POLN: variants seen among roughly 807,000 people sequenced by gnomAD.
POLN encodes the protein DNA polymerase N.
In POLN, 108 loss-of-function variants were observed where a neutral mutation model predicts 113.5. The ratio of observed to expected loss-of-function variants is 0.95; its 90% CI spans 0.81 to 1.12. The LOEUF is 1.12. Ranked by LOEUF, POLN falls within the 50% of genes most tolerant of loss-of-function variation. POLN has a pLI of 0.00. For missense variants in POLN, 1,097 were observed against 1,077.1 expected (o/e 1.02, Z -0.26); for synonymous variants, 386 against 391.5 (o/e 0.99, Z 0.17).
At chr4:2,090,340 C>A in intron 20 of POLN, 1 of 781,536 alleles carries the variant, frequency 1.3e-6, no homozygotes, top group Non-Finnish European at 2.1e-6. Context: ...ACAGCATCTC[C>A]AAGTACTTTC....
Position 2,093,939 on chromosome 4 carries a change from T to C in POLN, c.2065+1912A>G, listed in dbSNP as rs892886158. 6.6e-6 allele frequency among the ~76,000 whole-genome samples: 1 copy of C among 152,206 alleles called. No homozygotes were observed. Among genetic ancestry groups the C allele is most frequent in the Non-Finnish European group, 1.5e-5 (1 of 68,046 alleles). ...GAGCTAACGTGATGAGCTCCTATCTTTGAGGTACTCATGTTTGAGCTGGGG... is the reference window on the plus strand; with the variant it reads ...GAGCTAACGTGATGAGCTCCTATCTCTGAGGTACTCATGTTTGAGCTGGGG... On this transcript the variant is annotated intron_variant, in intron 20 of 25. Coordinates refer to ENST00000511885, the MANE Select transcript of POLN (RefSeq NM_181808.4). The surrounding 1 kb of genome is among the most constrained non-coding windows in gnomAD (Gnocchi z 4.1).
intron 11 of POLN, among the ~76,000 whole-genome samples, chr4:2,173,059 G>C (rs1475654962): frequency 6.6e-6 from 1 of 152,154 alleles, no homozygotes; most frequent in Non-Finnish European, 1.5e-5. Flanking sequence ...CAGTTCAAAA[G>C]CAAAGCTAAA....
Position 2,208,182 on chromosome 4 carries a change from T to G in POLN, c.519A>C (p.Ala173=). Residue 173 remains alanine (A), a synonymous_variant, in exon 5 of 26, where the codon GCA becomes GCC. Coordinates refer to ENST00000511885, the MANE Select transcript of POLN (RefSeq NM_181808.4). ...NLSEKTSKQM[A]LEEDTDDAEG... ...CGGCGTCATCAGTATCTTCTTCCAA[T>G]GCCATTTGTTTACTTGTTTTCTCTG... is the stretch of plus-strand genomic sequence containing the variant. 1.9e-6 allele frequency: 3 copies of G among 1,612,538 alleles called. No homozygotes were observed. Among genetic ancestry groups the G allele is most frequent in the South Asian group, 2.2e-5 (2 of 91,040 alleles).
intron 7 of POLN, among the ~76,000 whole-genome samples, chr4:2,191,829 A>T (rs1356032434): frequency 6.6e-6 from 1 of 152,136 alleles, no homozygotes; most frequent in African/African-American, 2.4e-5. Context: ...ATGGGGAGTT[A>T]TAGAGCAAAA....
intron 19 of POLN, among the ~76,000 whole-genome samples, chr4:2,105,929 G>A (rs2108708016): frequency 6.6e-6 from 1 of 152,146 alleles, no homozygotes; most frequent in East Asian, 1.9e-4. Context: ...CCATATTGCT[G>A]AACTTGACAG....
At chr4:2,234,280 G>A (rs1279791869) in intron 2 of POLN, 1 of 152,250 alleles carries the variant, frequency 6.6e-6, no homozygotes, top group Non-Finnish European at 1.5e-5. Context: ...TCAAAATTAA[G>A]AACTACAGGA....
At position 2,208,389 on chromosome 4, in the gene POLN, T is replaced by C. The variant is rs1247721029; in HGVS notation, c.312A>G (p.Gln104=). Residue 104 remains glutamine, a synonymous_variant, in exon 5 of 26, where the codon CAA becomes CAG. Coordinates refer to ENST00000511885, the MANE Select transcript of POLN (RefSeq NM_181808.4). ...TCAATGAGCTGATGCTCTTCTGTTTTTGGTCAGCAGACAGCTGATCTGTGA... is the reference window on the plus strand; with the variant it reads ...TCAATGAGCTGATGCTCTTCTGTTTCTGGTCAGCAGACAGCTGATCTGTGA... The part of the protein sequence containing the change: ...VRLTDQLSAD[Q]KQKSISSLTL... The C allele has an allele frequency of 2.5e-6, 4 of 1,613,356 alleles. No individual in the cohort carries two copies. The African/African-American group carries it at 4.0e-5, about 16-fold the overall frequency.
At chr4:2,076,420 C>T (rs944222680) in intron 23 of POLN, 1 of 152,384 alleles carries the variant, frequency 6.6e-6, no homozygotes, top group Admixed American at 6.5e-5. Flanking sequence ...CTGCTGCCCC[C>T]AGACCTACTG....
At chr4:2,223,369 G>A (rs1734307708) in intron 3 of POLN, among the ~76,000 whole-genome samples, 1 of 152,166 alleles carries the variant, frequency 6.6e-6, no homozygotes. Context: ...CTGTCAGATA[G>A]GCAGCAGCAT....
intron 19 of POLN, among the ~76,000 whole-genome samples, chr4:2,116,419 A>G (rs752083295): frequency 6.6e-6 from 1 of 152,120 alleles, no homozygotes; most frequent in Non-Finnish European, 1.5e-5. Context: ...TAGCTATATC[A>G]CCAGCTCTCT....
At chr4:2,226,080 G>C (rs1734382917) in intron 3 of POLN, among the ~76,000 whole-genome samples, 2 of 152,182 alleles carry the variant, frequency 1.3e-5, no homozygotes, top group Admixed American at 1.3e-4. Context: ...TCACTCAGGG[G>C]CCCAGGATCC....
chr4:2,130,386 G>A (rs1731696467), intron 17 of POLN, among the ~76,000 whole-genome samples: 1 of 152,112 alleles, frequency 6.6e-6, no homozygotes, highest in Non-Finnish European at 1.5e-5. Flanking sequence ...TGCACAGCAG[G>A]GCCCCCAGCA....
At chr4:2,084,259 A>G (rs1730498556) in intron 21 of POLN, among the ~76,000 whole-genome samples, 1 of 152,218 alleles carries the variant, frequency 6.6e-6, no homozygotes, top group African/African-American at 2.4e-5. Flanking sequence ...AGTGTCACGT[A>G]TGGTCTGGGT....
chr4:2,197,892 C>T (rs966073215), intron 6 of POLN, among the ~76,000 whole-genome samples: 4 of 152,276 alleles, frequency 2.6e-5, no homozygotes, highest in South Asian at 2.1e-4. Context: ...TGGATACCTC[C>T]ATTTGAGGCA....
intron 16 of POLN, among the ~76,000 whole-genome samples, chr4:2,132,348 A>G (rs1197828710): frequency 2.6e-5 from 4 of 152,232 alleles, no homozygotes; most frequent in Non-Finnish European, 4.4e-5. Flanking sequence ...CTGTGGGCTA[A>G]TATCAAAATA....
chr4:2,217,725 A>T (rs969340125), intron 3 of POLN, among the ~76,000 whole-genome samples: 3 of 152,236 alleles, frequency 2.0e-5, no homozygotes, highest in Non-Finnish European at 2.9e-5. Flanking sequence ...CTTTGCCTTA[A>T]GCTTCACATG....
Position 2,156,798 on chromosome 4 carries a change from G to T in POLN, c.1721C>A (p.Ala574Asp). Residue 574 changes from alanine (A) to aspartate (D), a missense_variant, in exon 16 of 26, where the codon GCC (alanine) becomes GAC (aspartate). Coordinates refer to ENST00000511885, the MANE Select transcript of POLN (RefSeq NM_181808.4). ...GTTTAAACAACTTACAGGATGCTTG[G>T]CTGAAAGTCTTCCAGTCACAGTTCC... ...QTGTVTGRLS[A>D]KHPNIQGISK... 6.2e-7 allele frequency: 1 copy of T among 1,612,372 alleles called. No individual in the cohort carries two copies. Among genetic ancestry groups the T allele is most frequent in the Non-Finnish European group, 8.5e-7 (1 of 1,178,360 alleles).
intron 20 of POLN, chr4:2,089,407 G>C: frequency 1.4e-6 from 2 of 1,383,362 alleles, no homozygotes; most frequent in Non-Finnish European, 2.0e-6. Flanking sequence ...GAAACTGACA[G>C]ATGACTGGTT....
At chr4:2,219,846 C>A (rs1376163452) in intron 3 of POLN, among the ~76,000 whole-genome samples, 1 of 152,150 alleles carries the variant, frequency 6.6e-6, no homozygotes, top group Non-Finnish European at 1.5e-5. Context: ...GCCATCCTAG[C>A]AGTATGTTGG....
Sources: gnomAD v4.1 joint callset for allele counts (sites outside exome capture counted in the v4.1 genomes callset) on GRCh38, gnomAD v4.1.1 for gene constraint, Gnocchi (gnomAD v3.1) non-coding constraint, MANE v1.5 for transcripts, NCBI Gene and HGNC (gene_info 2026-07-23, HGNC 2026-07-21) for gene names.